GSTT4: variants seen among roughly 807,000 people sequenced by gnomAD.
The protein encoded by GSTT4 is glutathione S-transferase theta-4.
downstream of GSTT4, among the ~76,000 whole-genome samples, chr22:23,996,291 T>G (rs1352986979): frequency 6.6e-6 from 1 of 152,144 alleles, no homozygotes; most frequent in Non-Finnish European, 1.5e-5. Context: ...TAAGAATTTC[T>G]GTAATGTCAT....
chr22:23,991,906 A>G, the GSTT4 span, among the ~76,000 whole-genome samples: 2 of 141,466 alleles, frequency 1.4e-5, no homozygotes, highest in Admixed American at 1.4e-4. Context: ...ACAAAAAATT[A>G]GCCGGGCGGG....
intron 2 of GSTT4, among the ~76,000 whole-genome samples, chr22:24,003,346 G>C (rs1028123669): frequency 2.0e-5 from 3 of 152,224 alleles, no homozygotes; most frequent in African/African-American, 7.2e-5. Flanking sequence ...GAGTAGCTGG[G>C]ACTACAGGTG....
At chr22:24,000,701 G>C (rs2034210848) in intron 3 of GSTT4, among the ~76,000 whole-genome samples, 1 of 143,398 alleles carries the variant, frequency 7.0e-6, no homozygotes. Flanking sequence ...TGGGATTACA[G>C]GTGCCCATCA....
chr22:24,003,576 C>G (rs1314846668), intron 2 of GSTT4, among the ~76,000 whole-genome samples, 184 bp downstream of exon 2: 1 of 152,262 alleles, frequency 6.6e-6, no homozygotes, highest in Non-Finnish European at 1.5e-5. Context: ...AAACTGGACC[C>G]CAAGTTGGCA....
At chr22:23,997,052 C>T (rs752891933), downstream of GSTT4, among the ~76,000 whole-genome samples, 13 of 151,876 alleles carry the variant, frequency 8.6e-5, no homozygotes, top group Non-Finnish European at 1.6e-4. Context: ...CTTCTTAAGT[C>T]AGTTTTGGTA....
the GSTT4 span, among the ~76,000 whole-genome samples, chr22:23,991,978 G>A: frequency 4.1e-5 from 6 of 145,380 alleles, no homozygotes; most frequent in Non-Finnish European, 7.6e-5. Context: ...GCGTGAACCC[G>A]GGAGGCGGAG....
intron 2 of GSTT4, among the ~76,000 whole-genome samples, chr22:24,003,109 A>G (rs1362281448): frequency 1.3e-5 from 2 of 152,232 alleles, no homozygotes; most frequent in African/African-American, 4.8e-5. Context: ...TGCTGGGATT[A>G]TAGGCATGAG....
intron 2 of GSTT4, among the ~76,000 whole-genome samples, 169 bp from the exon 3 acceptor site, chr22:24,001,494 G>T (rs942613817): frequency 9.2e-5 from 14 of 152,274 alleles, no homozygotes; most frequent in Admixed American, 2.6e-4. Flanking sequence ...GTCAGTAAGG[G>T]CTGGGAAGGA....
chr22:24,002,560 G>A (rs1040356154), intron 2 of GSTT4, among the ~76,000 whole-genome samples: 1 of 36,486 alleles, frequency 2.7e-5, no homozygotes, highest in Non-Finnish European at 8.3e-5. Flanking sequence ...GCTGGGCACG[G>A]TGGCTCACGC....
intron 2 of GSTT4, 59 bp downstream of exon 2, chr22:24,003,701 C>CCA (rs2034287993): frequency 6.5e-6 from 1 of 155,032 alleles, no homozygotes; most frequent in Non-Finnish European, 1.5e-5. Flanking sequence ...CAAATGCTTG[C>CCA]ACTGAACCTC....
At chr22:24,002,301 G>T (rs182787150) in intron 2 of GSTT4, among the ~76,000 whole-genome samples, 572 of 152,184 alleles carry the variant, frequency 3.8e-3, no homozygotes, top group African/African-American at 0.014. Flanking sequence ...TATCGGGAAG[G>T]TTGTGGTGTC....
At chr22:24,003,140 C>G (rs981739428) in intron 2 of GSTT4, among the ~76,000 whole-genome samples, 1 of 140,294 alleles carries the variant, frequency 7.1e-6, no homozygotes, top group African/African-American at 2.6e-5. Context: ...CAGCCTGTTG[C>G]TTTTTTTTTG....
chr22:23,990,953 T>C, the GSTT4 span, among the ~76,000 whole-genome samples: 5 of 86,236 alleles, frequency 5.8e-5, no homozygotes, highest in African/African-American at 1.0e-4. Flanking sequence ...AGAGGATCAC[T>C]TGAGCCCAGG....
At chr22:23,993,906 C>T (rs138308072), downstream of GSTT4, among the ~76,000 whole-genome samples, 11 of 151,946 alleles carry the variant, frequency 7.2e-5, no homozygotes, top group South Asian at 2.1e-4. Context: ...CCAGGATACA[C>T]GTTTATGGGG....
the GSTT4 span, among the ~76,000 whole-genome samples, chr22:23,989,794 C>T: frequency 2.7e-5 from 4 of 149,190 alleles, no homozygotes; most frequent in African/African-American, 4.9e-5. Flanking sequence ...TGCTAGAGGC[C>T]GCATTAGGTG....
chr22:23,989,317 T>C, the GSTT4 span: 1 of 116,760 alleles, frequency 8.6e-6, no homozygotes, highest in Non-Finnish European at 1.8e-5. Flanking sequence ...CTGAGGCCCC[T>C]ATCTGGGAGG....
chr22:24,003,707 A>G (rs144280583), intron 2 of GSTT4, 53 bp downstream of exon 2: 6,152 of 153,946 alleles, frequency 0.04, 6 homozygotes, highest in African/African-American at 0.14. Flanking sequence ...CTTGCACTGA[A>G]CCTCCCAGGA....
At chr22:23,990,170 C>T in the GSTT4 span, among the ~76,000 whole-genome samples, 1 of 149,116 alleles carries the variant, frequency 6.7e-6, no homozygotes, top group East Asian at 2.0e-4. Flanking sequence ...AGGGTGCTGG[C>T]CTCCCCCACT....
chr22:23,997,636 G>A (rs2034130265), downstream of GSTT4, among the ~76,000 whole-genome samples: 1 of 147,002 alleles, frequency 6.8e-6, no homozygotes, highest in South Asian at 2.2e-4. Flanking sequence ...TGGTTTTATT[G>A]ATTTTATTGC....
Sources: gnomAD v4.1 joint callset for allele counts (sites outside exome capture counted in the v4.1 genomes callset) on GRCh38, gnomAD v4.1.1 for gene constraint, MANE v1.5 for transcripts, NCBI Gene and HGNC (gene_info 2026-07-23, HGNC 2026-07-21) for gene names.